The following ZSCAN23 variants were observed in gnomAD, a reference collection of about 807,000 sequenced individuals.
ZSCAN23 encodes the protein zinc finger and SCAN domain-containing protein 23.
A neutral mutation model predicts 19.3 loss-of-function variants in ZSCAN23; 19 were observed. The observed-to-expected ratio is 0.99, with a 90% CI of 0.69 to 1.45. ZSCAN23 has a LOEUF of 1.45. ZSCAN23 is among the 40% of genes most tolerant of loss of function. The pLI is 0.00. For synonymous variants in ZSCAN23, 140 were observed against 166.2 expected (o/e 0.84, Z 1.21); for missense variants, 372 against 462.5 (o/e 0.80, Z 1.79).
At chr6:28,441,900 G>A (rs1581809706) in intron 1 of ZSCAN23, among the ~76,000 whole-genome samples, 1 of 138,870 alleles carries the variant, frequency 7.2e-6, no homozygotes, top group Admixed American at 7.5e-5. Flanking sequence ...TTTTGAGACA[G>A]AGTCTTGCTT....
chr6:28,436,321 T>C lies in ZSCAN23; in HGVS notation c.-55A>G. 7.3e-7 allele frequency: 1 copy of C among 1,374,758 alleles called. No homozygotes were observed. 85.2% of individuals were successfully genotyped at this position (1,374,758 alleles called of 1,614,324 possible). ...TATTCTTGATAATTCTCCCTTGATCTTTTCTTCTGGAAACCCCGAGATCTA... is the reference window on the plus strand; with the variant it reads ...TATTCTTGATAATTCTCCCTTGATCCTTTCTTCTGGAAACCCCGAGATCTA... On this transcript the variant is annotated 5_prime_UTR_variant, in exon 2 of 4. Coordinates refer to ENST00000289788, the MANE Select transcript of ZSCAN23 (RefSeq NM_001012455.2).
chr6:28,438,175 C>A (rs1391548016), intron 1 of ZSCAN23, among the ~76,000 whole-genome samples: 1 of 152,134 alleles, frequency 6.6e-6, no homozygotes, highest in Non-Finnish European at 1.5e-5. Flanking sequence ...CAGCTCACTG[C>A]AACCTCCGCC....
rs577829200 is a variant in ZSCAN23, at chr6:28,443,478, G to A, written c.-157C>T. 6.6e-6 allele frequency: 1 copy of A among 152,348 alleles called. No individual in the cohort carries two copies. The highest frequency in any genetic ancestry group is 1.9e-4 in the East Asian group (1 of 5,184). 9.4% of individuals were successfully genotyped at this position (152,348 alleles called of 1,614,324 possible). The stretch of plus-strand genomic sequence containing the variant: ...CCTTGACAACCGCAGCCCAAAGAAT[G>A]ATAAACTACAAAGGCCGGAAATGCG... On this transcript the variant is annotated 5_prime_UTR_variant, in exon 1 of 4. Transcript: ENST00000289788.
At chr6:28,422,738 A>G in the ZSCAN23 span, among the ~76,000 whole-genome samples, 32 of 152,342 alleles carry the variant, frequency 2.1e-4, 1 homozygote, top group Middle Eastern at 3.4e-3. The surrounding 1 kb of genome is among the most constrained non-coding windows in gnomAD (Gnocchi z 4.0). Flanking sequence ...CAAAGAAGTG[A>G]AGAAAGAAAA....
intron 1 of ZSCAN23, among the ~76,000 whole-genome samples, chr6:28,438,418 G>A (rs1331059416): frequency 6.6e-6 from 1 of 152,140 alleles, no homozygotes; most frequent in African/African-American, 2.4e-5. Flanking sequence ...TTCTTAAGGT[G>A]TTGACATGCA....
the ZSCAN23 span, among the ~76,000 whole-genome samples, chr6:28,425,005 C>T: frequency 6.6e-6 from 1 of 152,178 alleles, no homozygotes; most frequent in Non-Finnish European, 1.5e-5. Context: ...TATACCCTTA[C>T]AAAATGTATT....
downstream of ZSCAN23, among the ~76,000 whole-genome samples, chr6:28,427,356 A>G (rs1761677694): frequency 6.6e-6 from 1 of 152,238 alleles, no homozygotes; most frequent in Non-Finnish European, 1.5e-5. Context: ...CTCAGGAAGA[A>G]CAGTTATGCA....
In ZSCAN23 at chr6:28,436,128, A is replaced by C. The variant is rs757654965; in HGVS notation, c.139T>G (p.Phe47Val). 1.9e-6 allele frequency: 3 copies of C among 1,608,814 alleles called. No homozygotes were observed. The highest frequency in any genetic ancestry group is 2.5e-6 in the Non-Finnish European group (3 of 1,177,344). The change falls in exon 2 of 4, where the codon TTT becomes GTT. Residue 47 changes from phenylalanine to valine, a missense_variant. Transcript: ENST00000289788. Reference protein sequence around the residue: ...SRNNPHTREIFRRRFRQFCYQ... With the variant: ...SRNNPHTREIVRRRFRQFCYQ... Reference sequence around the variant, plus strand: ...CAGAACTGCCTGAAGCGTCTACGAAAGATCTCTCTGGTATGAGGGTTATTT... The same window carrying C: ...CAGAACTGCCTGAAGCGTCTACGAACGATCTCTCTGGTATGAGGGTTATTT...
chr6:28,442,041 C>T (rs1762012614), intron 1 of ZSCAN23, among the ~76,000 whole-genome samples: 3 of 151,902 alleles, frequency 2.0e-5, no homozygotes, highest in Admixed American at 6.6e-5. Flanking sequence ...CCACTCCTGG[C>T]TCATTTTTGC....
At chr6:28,428,744 G>C (rs1761700764), downstream of ZSCAN23, among the ~76,000 whole-genome samples, 1 of 152,124 alleles carries the variant, frequency 6.6e-6, no homozygotes, top group African/African-American at 2.4e-5. Context: ...TCCAGACAGA[G>C]CATATAACTG....
downstream of ZSCAN23, among the ~76,000 whole-genome samples, chr6:28,429,302 C>T (rs1761710554): frequency 6.6e-6 from 1 of 152,198 alleles, no homozygotes; most frequent in Non-Finnish European, 1.5e-5. Flanking sequence ...CATTATGTGG[C>T]ACTCAATAAA....
chr6:28,428,602 G>C (rs762681131), downstream of ZSCAN23, among the ~76,000 whole-genome samples: 10 of 152,044 alleles, frequency 6.6e-5, no homozygotes, highest in Non-Finnish European at 1.3e-4. Context: ...TTATGGTTTT[G>C]GTTCTTTCTT....
rs1323639852 is a variant in ZSCAN23 at position 28,435,450 on chromosome 6, T to C, written c.556+10A>G. ...TGAGGTAGGCTGTCTGAGGAAATCC[T>C]GATCCTCACCAATCTCTTGAACTGG... On this transcript the variant is annotated intron_variant, in intron 3 of 3. Transcript: ENST00000289788. 4 of 1,549,986 alleles carry C rather than the reference T, an allele frequency of 2.6e-6. No individual in the cohort carries two copies. The highest frequency in any genetic ancestry group is 3.5e-6 in the Non-Finnish European group (4 of 1,146,454).
At chr6:28,440,379 C>A (rs1411992539) in intron 1 of ZSCAN23, among the ~76,000 whole-genome samples, 1 of 152,108 alleles carries the variant, frequency 6.6e-6, no homozygotes, top group Non-Finnish European at 1.5e-5. Context: ...AACACAAAAG[C>A]ATAACTCTAG....
chr6:28,424,790 A>G, the ZSCAN23 span, among the ~76,000 whole-genome samples: 1 of 152,142 alleles, frequency 6.6e-6, no homozygotes, highest in Non-Finnish European at 1.5e-5. Flanking sequence ...ATCTACAGTT[A>G]TTTCCTCCAC....
chr6:28,442,515 CA>C (rs1762021171), intron 1 of ZSCAN23, among the ~76,000 whole-genome samples: 2 of 152,196 alleles, frequency 1.3e-5, no homozygotes, highest in Admixed American at 1.3e-4. Flanking sequence ...ATCAGGTTTG[CA>C]GAAACACTGA....
In ZSCAN23 at chr6:28,443,477, T is replaced by C. The variant is rs557759052; in HGVS notation, c.-156A>G. The C allele has an allele frequency of 3.9e-5, 6 of 152,302 alleles. No homozygotes were observed. Among genetic ancestry groups the C allele is most frequent in the South Asian group, 2.1e-4 (1 of 4,820 alleles). 9.4% of individuals were successfully genotyped at this position (152,302 alleles called of 1,614,324 possible). Reference sequence around the variant, plus strand: ...TCCTTGACAACCGCAGCCCAAAGAATGATAAACTACAAAGGCCGGAAATGC... The same window carrying C: ...TCCTTGACAACCGCAGCCCAAAGAACGATAAACTACAAAGGCCGGAAATGC... On this transcript the variant is annotated 5_prime_UTR_variant, in exon 1 of 4. Transcript: ENST00000289788.
the ZSCAN23 span, among the ~76,000 whole-genome samples, chr6:28,422,760 C>G: frequency 2.0e-5 from 3 of 152,018 alleles, no homozygotes; most frequent in South Asian, 6.2e-4. The surrounding 1 kb of genome is among the most constrained non-coding windows in gnomAD (Gnocchi z 4.0). Flanking sequence ...AATCATAATC[C>G]AGGCTAAAGT....
In ZSCAN23 at chr6:28,436,356, T is replaced by C; in HGVS notation, c.-77-13A>G. ...GAAACCCCGAGATCTAGACAATAAT[T>C]TACGAAGAAAAAAATATAAAAATGC... is the stretch of plus-strand genomic sequence containing the variant. On this transcript the variant is annotated splice_polypyrimidine_tract_variant and intron_variant, in intron 1 of 3. Coordinates refer to ENST00000289788, the MANE Select transcript of ZSCAN23 (RefSeq NM_001012455.2). The C allele has an allele frequency of 7.6e-7, 1 of 1,320,780 alleles. No individual in the cohort carries two copies. The highest frequency in any genetic ancestry group is 1.0e-6 in the Non-Finnish European group (1 of 999,234). 81.8% of individuals were successfully genotyped at this position (1,320,780 alleles called of 1,614,324 possible). A position where few individuals can be genotyped will look rare whatever the true frequency, so the allele number is the denominator to read the frequency against.
Sources: gnomAD v4.1 joint callset for allele counts (sites outside exome capture counted in the v4.1 genomes callset) on GRCh38, gnomAD v4.1.1 for gene constraint, Gnocchi (gnomAD v3.1) non-coding constraint, MANE v1.5 for transcripts, NCBI Gene and HGNC (gene_info 2026-07-23, HGNC 2026-07-21) for gene names.